The following CPLX1 variants were observed in gnomAD, a reference collection of about 807,000 sequenced individuals.
CPLX1 encodes complexin-1.
In CPLX1, 6 loss-of-function variants were observed where a neutral mutation model predicts 15.6. That is an observed-to-expected ratio of 0.39 (90% CI 0.21 to 0.76). The LOEUF is 0.76. Ranked by LOEUF, CPLX1 falls within the 30% of genes least tolerant of loss-of-function variation. CPLX1 has a pLI of 0.43. For synonymous variants in CPLX1, 91 were observed against 75.2 expected, an observed-to-expected ratio of 1.21 and a Z score of -1.08; for missense variants, 242 against 188.6, an observed-to-expected ratio of 1.28 and a Z score of -1.66.
intron 2 of CPLX1, 54 bp from the exon 3 acceptor site, chr4:792,662 C>T (rs934185217): frequency 6.4e-7 from 1 of 1,552,018 alleles, no homozygotes; most frequent in Non-Finnish European, 8.8e-7. Context: ...CAGGGCCGGG[C>T]TAGTGTCTCA....
At chr4:808,297 G>A (rs1316720950) in intron 2 of CPLX1, among the ~76,000 whole-genome samples, 1 of 152,070 alleles carries the variant, frequency 6.6e-6, no homozygotes, top group Non-Finnish European at 1.5e-5. Context: ...CCTTGTAAAT[G>A]TAACATCTCT....
At position 786,446 on chromosome 4, in the gene CPLX1, G is replaced by A; in HGVS notation, c.*55C>T. On this transcript the variant is annotated 3_prime_UTR_variant, in exon 4 of 4. Coordinates refer to ENST00000304062, the MANE Select transcript of CPLX1 (RefSeq NM_006651.4). The stretch of plus-strand genomic sequence containing the variant: ...TGCTCGTCCCTCAGGGGCCTCCGCG[G>A]AGGATCTGTAGGGGGAGGGGCGGGG... 1 of 1,487,108 alleles carries A rather than the reference G, an allele frequency of 6.7e-7. No individual in the cohort carries two copies. Among genetic ancestry groups the A allele is most frequent in the Non-Finnish European group, 9.0e-7 (1 of 1,111,550 alleles). The allele number at this position is 1,487,108 out of a possible 1,614,324, so 92.1% of individuals were successfully genotyped here.
intron 3 of CPLX1, chr4:788,259 G>C (rs1746061246): frequency 1.0e-6 from 1 of 985,226 alleles, no homozygotes; most frequent in Non-Finnish European, 1.2e-6. Flanking sequence ...ATGGAGGGGG[G>C]GCTGCCTGTG....
chr4:807,487 T>G (rs1239337094), intron 2 of CPLX1, among the ~76,000 whole-genome samples: 1 of 152,242 alleles, frequency 6.6e-6, no homozygotes, highest in East Asian at 1.9e-4. Flanking sequence ...TTTTTTTTTT[T>G]TTTGAGATGG....
rs866107846 is a variant in CPLX1 at position 809,731 on chromosome 4, G to C, written c.31+14761C>G. The stretch of plus-strand genomic sequence containing the variant: ...AAGACAGTGGACACGTCCAGCCCTC[G>C]GGTTTCATGGTGGCCTGTGTGGCCC... On this transcript the variant is annotated intron_variant, in intron 2 of 3. Transcript: ENST00000304062. 7.9e-5 allele frequency among the ~76,000 whole-genome samples: 12 copies of C among 152,330 alleles called. No homozygotes were observed. In the East Asian group the frequency reaches 2.3e-3, roughly 29 times the overall value.
intron 2 of CPLX1, among the ~76,000 whole-genome samples, chr4:812,548 A>T (rs1270319168): frequency 6.6e-6 from 1 of 152,208 alleles, no homozygotes; most frequent in Non-Finnish European, 1.5e-5. Context: ...TATGGGCTTG[A>T]GTGTGGGGAA....
chr4:787,574 T>C, intron 3 of CPLX1: 1 of 716,200 alleles, frequency 1.4e-6, no homozygotes, highest in Non-Finnish European at 1.7e-6. Flanking sequence ...GGGGCGGGCA[T>C]ACGAAAGCGG....
At chr4:786,769 G>C in intron 3 of CPLX1, 71 bp from the exon 4 acceptor site, 2 of 1,513,414 alleles carry the variant, frequency 1.3e-6, no homozygotes, top group Non-Finnish European at 1.8e-6. Context: ...CCCTGCGCCA[G>C]GGACTGGCCC....
chr4:791,957 G>C (rs1746189013), intron 3 of CPLX1, among the ~76,000 whole-genome samples: 1 of 152,188 alleles, frequency 6.6e-6, no homozygotes, highest in Non-Finnish European at 1.5e-5. Context: ...CCTCGGACCT[G>C]GCCGCTGAGG....
chr4:795,697 G>GC (rs994685408), intron 2 of CPLX1, among the ~76,000 whole-genome samples: 1 of 151,438 alleles, frequency 6.6e-6, no homozygotes, highest in African/African-American at 2.4e-5. Context: ...GGCTGGCAAC[G>GC]CCCCCCACAG....
At chr4:817,891 C>G (rs1311871017) in intron 2 of CPLX1, among the ~76,000 whole-genome samples, 1 of 152,152 alleles carries the variant, frequency 6.6e-6, no homozygotes, top group Non-Finnish European at 1.5e-5. Flanking sequence ...GACATAGTAT[C>G]TCAGAATATT....
In CPLX1 at chr4:786,257, A is replaced by C; in HGVS notation, c.*244T>G. The C allele has an allele frequency of 2.8e-6, 1 of 360,906 alleles. No homozygotes were observed. The highest frequency in any genetic ancestry group is 4.9e-6 in the Non-Finnish European group (1 of 202,254). 22.4% of individuals were successfully genotyped at this position (360,906 alleles called of 1,614,324 possible). A position where few individuals can be genotyped will look rare whatever the true frequency, so the allele number is the denominator to read the frequency against. Reference sequence around the variant, plus strand: ...GGGTGGGCGGTAAACAGCAAGAGAAAGGGGCGTCCCAGGCGATGGGGCTCC... The same window carrying C: ...GGGTGGGCGGTAAACAGCAAGAGAACGGGGCGTCCCAGGCGATGGGGCTCC... On this transcript the variant is annotated 3_prime_UTR_variant, in exon 4 of 4. Coordinates refer to ENST00000304062, the MANE Select transcript of CPLX1 (RefSeq NM_006651.4).
intron 2 of CPLX1, among the ~76,000 whole-genome samples, chr4:810,110 C>A (rs536647105): frequency 6.9e-6 from 1 of 144,070 alleles, no homozygotes; most frequent in Non-Finnish European, 1.5e-5. Context: ...AGTGCAGTGG[C>A]ATGATCTCAG....
intron 2 of CPLX1, among the ~76,000 whole-genome samples, chr4:801,899 T>A (rs996476163): frequency 6.6e-6 from 1 of 152,238 alleles, no homozygotes; most frequent in African/African-American, 2.4e-5. Context: ...AAAGACTGAC[T>A]GTGCTAAGTG....
intron 2 of CPLX1, among the ~76,000 whole-genome samples, chr4:808,751 C>T (rs1746603300): frequency 1.3e-5 from 2 of 152,236 alleles, no homozygotes; most frequent in African/African-American, 4.8e-5. Context: ...ATATTTTACA[C>T]ACACTTTCCT....
At chr4:808,507 A>C (rs1279266949) in intron 2 of CPLX1, among the ~76,000 whole-genome samples, 1 of 152,192 alleles carries the variant, frequency 6.6e-6, no homozygotes, top group East Asian at 1.9e-4. Context: ...GCAACCAAAC[A>C]AACCAAGGCA....
intron 2 of CPLX1, among the ~76,000 whole-genome samples, chr4:793,172 A>C (rs1046487880): frequency 2.2e-4 from 34 of 152,184 alleles, no homozygotes; most frequent in African/African-American, 8.2e-4. Flanking sequence ...GGCCTCCTGG[A>C]GGTGGTGCGG....
intron 3 of CPLX1, among the ~76,000 whole-genome samples, chr4:791,379 T>G (rs904632218): frequency 6.6e-6 from 1 of 151,478 alleles, no homozygotes; most frequent in Non-Finnish European, 1.5e-5. Context: ...GACCGGAGGG[T>G]GTGGGGAGAA....
In CPLX1 at chr4:814,219, AT is replaced by A. The variant is rs572361585; in HGVS notation, c.31+10272del. Among the ~76,000 whole-genome samples the A allele has an allele frequency of 3.2e-3, 472 of 146,728 alleles. 8 individuals carry two copies. The South Asian group carries it at 0.063, about 20-fold the overall frequency. On this transcript the variant is annotated intron_variant, in intron 2 of 3. Transcript: ENST00000304062. ...ATGCTAGCTGTCCCCACTCTGCCTGATTTTTTTTTTTTAAGACGGAGTCTCG... is the reference window on the plus strand; with the variant it reads ...ATGCTAGCTGTCCCCACTCTGCCTGATTTTTTTTTTTAAGACGGAGTCTCG...
Sources: gnomAD v4.1 joint callset for allele counts (sites outside exome capture counted in the v4.1 genomes callset) on GRCh38, gnomAD v4.1.1 for gene constraint, MANE v1.5 for transcripts, NCBI Gene and HGNC (gene_info 2026-07-23, HGNC 2026-07-21) for gene names.